The following PDE4B variants were observed in gnomAD, a reference collection of about 807,000 sequenced individuals.
PDE4B encodes 3',5'-cyclic-AMP phosphodiesterase 4B.
A neutral mutation model predicts 82.2 loss-of-function variants in PDE4B; 20 were observed. The observed-to-expected ratio is 0.24, with a 90% CI of 0.17 to 0.35. The LOEUF (loss-of-function observed/expected upper bound fraction) is 0.35, where lower values mean the gene tolerates loss of function less well. PDE4B is among the 10% of genes least tolerant of loss of function. PDE4B has a pLI of 1.00. For missense variants in PDE4B, 655 were observed against 907.2 expected (o/e 0.72, Z 3.57); for synonymous variants, 320 against 318.9 (o/e 1.00, Z -0.04).
chr1:65,925,246 T>G (rs553589991), intron 3 of PDE4B, among the ~76,000 whole-genome samples: 2 of 152,288 alleles, frequency 1.3e-5, no homozygotes, highest in Non-Finnish European at 1.5e-5. Context: ...ACCTAGGTGA[T>G]GGGTTGATAG....
At chr1:65,949,474 T>TCACTGGAAAGTGC (rs1333878817) in intron 3 of PDE4B, among the ~76,000 whole-genome samples, 1 of 152,110 alleles carries the variant, frequency 6.6e-6, no homozygotes, top group Non-Finnish European at 1.5e-5. Context: ...AAATCCTGTG[T>TCACTGGAAAGTGC]CACTGGAAAG....
intron 3 of PDE4B, among the ~76,000 whole-genome samples, chr1:66,215,517 T>C (rs999709184): frequency 6.6e-6 from 1 of 150,612 alleles, no homozygotes. Context: ...GAGGGAGGAG[T>C]TGTAAGCTGG....
At chr1:65,998,097 A>C (rs958420142) in intron 3 of PDE4B, among the ~76,000 whole-genome samples, 3 of 152,198 alleles carry the variant, frequency 2.0e-5, no homozygotes, top group African/African-American at 7.2e-5. Context: ...AATGTGTTGG[A>C]TATTAATTAT....
intron 7 of PDE4B, among the ~76,000 whole-genome samples, chr1:66,308,943 C>T (rs1473923697): frequency 1.3e-5 from 2 of 152,052 alleles, no homozygotes. Context: ...TACAAACAGC[C>T]TTGTAATTAG....
intron 3 of PDE4B, among the ~76,000 whole-genome samples, chr1:66,245,293 T>C (rs1013045350): frequency 6.6e-6 from 1 of 152,132 alleles, no homozygotes; most frequent in Non-Finnish European, 1.5e-5. Flanking sequence ...TCCAGAAAGG[T>C]TGCACAGATA....
intron 3 of PDE4B, among the ~76,000 whole-genome samples, chr1:66,217,490 CCTGT>C (rs1182208780): frequency 6.6e-6 from 1 of 152,074 alleles, no homozygotes; most frequent in Non-Finnish European, 1.5e-5. Flanking sequence ...TCTCCTTCTG[CCTGT>C]CTGTCTCTTT....
chr1:66,213,891 A>G (rs1650254899), intron 3 of PDE4B, among the ~76,000 whole-genome samples: 1 of 152,200 alleles, frequency 6.6e-6, no homozygotes. Flanking sequence ...ACTACATAAA[A>G]TCTTTCTATG....
chr1:65,978,893 A>G (rs116816614), intron 3 of PDE4B, among the ~76,000 whole-genome samples: 4,673 of 152,272 alleles, frequency 0.031, 237 homozygotes, highest in African/African-American at 0.11. Flanking sequence ...TAACAGATGT[A>G]TAAAATCTGT....
At chr1:66,041,429 C>CA (rs2100828597) in intron 3 of PDE4B, among the ~76,000 whole-genome samples, 2 of 152,028 alleles carry the variant, frequency 1.3e-5, no homozygotes, top group Non-Finnish European at 2.9e-5. Flanking sequence ...AGTTTTTCGT[C>CA]ATTACAACTT....
chr1:65,876,075 T>C (rs891819177), intron 1 of PDE4B, among the ~76,000 whole-genome samples: 6 of 152,134 alleles, frequency 3.9e-5, no homozygotes, highest in African/African-American at 1.4e-4. Context: ...TATAAGGTTG[T>C]GGGGGCGGAA....
Position 66,105,817 on chromosome 1 carries a change from T to G in PDE4B, c.282-141643T>G, listed in dbSNP as rs372995110. Among the ~76,000 whole-genome samples the G allele has an allele frequency of 2.2e-4, 34 of 152,070 alleles. No homozygotes were observed. The East Asian group carries it at 3.3e-3, about 15-fold the overall frequency. On this transcript the variant is annotated intron_variant, in intron 3 of 16. Transcript: ENST00000341517. ...ATCCTGAGACTTTGCTGAAGTTGCTTATCAGCTTAAGGAGATTTTGGGCTG... is the reference window on the plus strand; with the variant it reads ...ATCCTGAGACTTTGCTGAAGTTGCTGATCAGCTTAAGGAGATTTTGGGCTG...
chr1:66,266,762 ATTC>A (rs200153550), intron 7 of PDE4B: 8,202 of 493,214 alleles, frequency 0.017, 113 homozygotes, highest in Middle Eastern at 0.083. Context: ...TGGAACTGAA[ATTC>A]TTCTTCACAC....
intron 1 of PDE4B, among the ~76,000 whole-genome samples, chr1:65,846,858 C>G (rs1459215098): frequency 6.6e-6 from 1 of 152,038 alleles, no homozygotes; most frequent in African/African-American, 2.4e-5. Context: ...GGCAGATAAA[C>G]TTAATAAGAC....
At position 66,161,110 on chromosome 1, in the gene PDE4B, T is replaced by C. The variant is rs531196587; in HGVS notation, c.282-86350T>C. 3.9e-5 allele frequency among the ~76,000 whole-genome samples: 6 copies of C among 152,336 alleles called. No individual in the cohort carries two copies. In the South Asian group the frequency reaches 1.0e-3, roughly 26 times the overall value. On this transcript the variant is annotated intron_variant, in intron 3 of 16. Transcript: ENST00000341517. ...AACCCTAAATCTTGAAAACGCATTA[T>C]TTTGGATTGGTTGCTATAAGCACCT...
intron 3 of PDE4B, among the ~76,000 whole-genome samples, chr1:66,226,434 G>A (rs563936097): frequency 3.9e-5 from 6 of 152,216 alleles, no homozygotes; most frequent in African/African-American, 1.2e-4. Context: ...AGATGATGTG[G>A]TGTGAAAAGT....
intron 3 of PDE4B, among the ~76,000 whole-genome samples, chr1:65,959,319 T>C (rs1159228856): frequency 6.6e-6 from 1 of 152,220 alleles, no homozygotes; most frequent in Non-Finnish European, 1.5e-5. Flanking sequence ...TGATAGTGTG[T>C]ATGTATGGTA....
chr1:66,319,763 A>G (rs1659271630), intron 7 of PDE4B, among the ~76,000 whole-genome samples: 1 of 152,228 alleles, frequency 6.6e-6, no homozygotes, highest in Admixed American at 6.5e-5. Flanking sequence ...ATTAAAAGAG[A>G]TAATGCATAA....
At chr1:66,356,615 T>A (rs998579229) in intron 9 of PDE4B, among the ~76,000 whole-genome samples, 1 of 152,252 alleles carries the variant, frequency 6.6e-6, no homozygotes, top group African/African-American at 2.4e-5. Context: ...AATGAGCATT[T>A]TCCTTGATGC....
chr1:66,026,018 A>T (rs950850387), intron 3 of PDE4B, among the ~76,000 whole-genome samples: 3 of 152,220 alleles, frequency 2.0e-5, no homozygotes, highest in Admixed American at 6.5e-5. Flanking sequence ...CTGGTCAGTT[A>T]CATGTTTTAT....
Sources: gnomAD v4.1 joint callset for allele counts (sites outside exome capture counted in the v4.1 genomes callset) on GRCh38, gnomAD v4.1.1 for gene constraint, MANE v1.5 for transcripts, NCBI Gene and HGNC (gene_info 2026-07-23, HGNC 2026-07-21) for gene names.